The following NAPEPLD variants were observed in gnomAD, a reference collection of about 807,000 sequenced individuals.
NAPEPLD encodes N-acyl phosphatidylethanolamine phospholipase D, also known as N-acyl-phosphatidylethanolamine-hydrolyzing phospholipase D.
NAPEPLD carries 23 observed loss-of-function variants against 38.1 expected under a neutral mutation model. The observed-to-expected ratio is 0.60, with a 90% CI of 0.43 to 0.86. The LOEUF (loss-of-function observed/expected upper bound fraction) is 0.86. Among genes scored for constraint, NAPEPLD ranks in the 40% least tolerant of loss-of-function variants. The pLI is 0.00. For synonymous variants in NAPEPLD, 147 were observed against 162.0 expected (o/e 0.91, Z 0.71); for missense variants, 411 against 476.8 (o/e 0.86, Z 1.28).
chr7:103,130,709 C>T (rs1021587908), intron 1 of NAPEPLD, among the ~76,000 whole-genome samples: 1 of 152,114 alleles, frequency 6.6e-6, no homozygotes, highest in Non-Finnish European at 1.5e-5. Context: ...TATTCTCCCA[C>T]CTCAGCCTCC....
intron 2 of NAPEPLD, among the ~76,000 whole-genome samples, chr7:103,125,895 A>G (rs1284867621): frequency 6.8e-6 from 1 of 147,278 alleles, no homozygotes; most frequent in Non-Finnish European, 1.5e-5. Flanking sequence ...CTCAAAAATA[A>G]TAATAATAAT....
chr7:103,104,876 T>A (rs1157282130), intron 4 of NAPEPLD, among the ~76,000 whole-genome samples: 1 of 152,220 alleles, frequency 6.6e-6, no homozygotes, highest in East Asian at 1.9e-4. Flanking sequence ...CTTCTTTTGT[T>A]AAATTCTCTT....
At chr7:103,107,443 C>G (rs1585823112) in intron 4 of NAPEPLD, among the ~76,000 whole-genome samples, 1 of 152,138 alleles carries the variant, frequency 6.6e-6, no homozygotes, top group South Asian at 2.1e-4. Flanking sequence ...TGGGTAATAA[C>G]AAACCCCTCC....
chr7:103,138,262 GGGACTAC>G, intron 1 of NAPEPLD, among the ~76,000 whole-genome samples: 1 of 144,052 alleles, frequency 6.9e-6, no homozygotes, highest in Non-Finnish European at 1.6e-5. Context: ...CTTCCAAAAT[GGGACTAC>G]TTTCTCTCTA....
intron 1 of NAPEPLD, among the ~76,000 whole-genome samples, chr7:103,140,581 G>C (rs576809405): frequency 2.8e-4 from 42 of 151,970 alleles, no homozygotes; most frequent in African/African-American, 8.4e-4. Context: ...TTTTAGTAGA[G>C]ACGGGGTTTC....
chr7:103,121,281 A>G (rs1166338635), intron 2 of NAPEPLD, among the ~76,000 whole-genome samples: 1 of 152,208 alleles, frequency 6.6e-6, no homozygotes, highest in Non-Finnish European at 1.5e-5. Context: ...AGCTAGGCCA[A>G]CAAAAAGTGG....
rs959053168 is a variant in NAPEPLD at position 103,101,743 on chromosome 7, G to C, written c.*1686C>G. On this transcript the variant is annotated 3_prime_UTR_variant, in exon 5 of 5. Coordinates refer to ENST00000465647, the MANE Select transcript of NAPEPLD (RefSeq NM_001122838.3). ...CACAAAAAAATCCATGATGAAAGCA[G>C]GGTAAAAGTTCAGATTTAGTGGCTA... 1.3e-5 allele frequency: 2 copies of C among 152,594 alleles called. No homozygotes were observed. The highest frequency in any genetic ancestry group is 6.5e-5 in the Admixed American group (1 of 15,272). 9.5% of individuals were successfully genotyped at this position (152,594 alleles called of 1,614,324 possible).
chr7:103,142,904 G>A (rs1193229906), intron 1 of NAPEPLD, among the ~76,000 whole-genome samples: 1 of 151,954 alleles, frequency 6.6e-6, no homozygotes, highest in East Asian at 1.9e-4. Context: ...AGTCAACAGT[G>A]GAGATCCCCA....
At chr7:103,146,489 C>T (rs146508774) in intron 1 of NAPEPLD, among the ~76,000 whole-genome samples, 14 of 152,314 alleles carry the variant, frequency 9.2e-5, no homozygotes, top group Non-Finnish European at 2.1e-4. Context: ...CAATATATTA[C>T]TGTCCCTTAA....
chr7:103,126,304 C>T (rs1807785682), intron 2 of NAPEPLD, among the ~76,000 whole-genome samples: 1 of 152,134 alleles, frequency 6.6e-6, no homozygotes, highest in South Asian at 2.1e-4. Context: ...GTTGTCAAGC[C>T]GATTCTCTAT....
chr7:103,114,112 G>C (rs957320208), intron 4 of NAPEPLD, among the ~76,000 whole-genome samples: 2 of 151,598 alleles, frequency 1.3e-5, no homozygotes, highest in Non-Finnish European at 2.9e-5. Context: ...GGCCAGGCTG[G>C]TCTCGAACTC....
intron 4 of NAPEPLD, among the ~76,000 whole-genome samples, chr7:103,114,270 T>G (rs1451818515): frequency 6.6e-6 from 1 of 152,152 alleles, no homozygotes; most frequent in Non-Finnish European, 1.5e-5. Context: ...TATACTATCC[T>G]CTGCTTGATC....
intron 2 of NAPEPLD, 50 bp from the exon 3 acceptor site, chr7:103,120,273 T>C: frequency 1.9e-6 from 3 of 1,549,720 alleles, no homozygotes; most frequent in Non-Finnish European, 2.6e-6. Context: ...AAAAAAAGTA[T>C]TATATCATCA....
At chr7:103,109,533 G>T (rs1183927047) in intron 4 of NAPEPLD, among the ~76,000 whole-genome samples, 1 of 152,144 alleles carries the variant, frequency 6.6e-6, no homozygotes, top group Non-Finnish European at 1.5e-5. Flanking sequence ...CAGAAATAAA[G>T]ATGTTGTTTG....
At chr7:103,123,903 T>C (rs1807220554) in intron 2 of NAPEPLD, among the ~76,000 whole-genome samples, 2 of 152,328 alleles carry the variant, frequency 1.3e-5, no homozygotes, top group Non-Finnish European at 1.5e-5. Context: ...TATATGTTCA[T>C]TGTCTTGATT....
At chr7:103,145,071 G>A (rs752213644) in intron 1 of NAPEPLD, among the ~76,000 whole-genome samples, 8 of 152,102 alleles carry the variant, frequency 5.3e-5, no homozygotes, top group Non-Finnish European at 8.8e-5. Flanking sequence ...CTGGAGGGTT[G>A]ATCATTCTAT....
At chr7:103,148,552 T>C (rs1813071619) in intron 1 of NAPEPLD, among the ~76,000 whole-genome samples, 1 of 150,512 alleles carries the variant, frequency 6.6e-6, no homozygotes, top group Non-Finnish European at 1.5e-5. Context: ...ACCCAATTTA[T>C]AAGAAGCAAA....
chr7:103,125,213 AT>A (rs1274322948), intron 2 of NAPEPLD, among the ~76,000 whole-genome samples: 2 of 152,196 alleles, frequency 1.3e-5, no homozygotes, highest in African/African-American at 4.8e-5. Context: ...CATTTGTTAT[AT>A]GTGAACACTG....
intron 4 of NAPEPLD, among the ~76,000 whole-genome samples, chr7:103,108,150 T>G (rs1803771118): frequency 6.8e-6 from 1 of 147,894 alleles, no homozygotes; most frequent in Non-Finnish European, 1.5e-5. Context: ...TTTTTTTTTT[T>G]TTTTTTTTTT....
Sources: allele counts gnomAD v4.1 joint callset (sites outside exome capture counted in the v4.1 genomes callset), GRCh38; gene constraint gnomAD v4.1.1; transcripts MANE v1.5; gene names NCBI Gene and HGNC (gene_info 2026-07-23, HGNC 2026-07-21).